The following CFAP90 variants were observed in gnomAD, a reference collection of about 807,000 sequenced individuals.
The protein encoded by CFAP90 is cilia- and flagella-associated protein 90.
the CFAP90 span, among the ~76,000 whole-genome samples, chr5:7,833,621 G>A: frequency 0.66 from 99,753 of 150,990 alleles, 33,825 homozygotes; most frequent in African/African-American, 0.83. Flanking sequence ...GTACATACAT[G>A]TACACACATA....
the CFAP90 span, chr5:7,835,402 C>T: frequency 3.1e-6 from 5 of 1,594,760 alleles, no homozygotes; most frequent in African/African-American, 6.8e-5. Context: ...ACATGAAGTC[C>T]CAGGCTTTTT....
At chr5:7,846,929 T>C in the CFAP90 span, among the ~76,000 whole-genome samples, 29 of 152,066 alleles carry the variant, frequency 1.9e-4, no homozygotes, top group Admixed American at 1.3e-4. Context: ...ATTTTAAGTA[T>C]AGATGGGGTT....
chr5:7,843,345 T>G, the CFAP90 span, among the ~76,000 whole-genome samples: 3 of 152,200 alleles, frequency 2.0e-5, no homozygotes, highest in Admixed American at 6.5e-5. Flanking sequence ...AAGACAATAC[T>G]CAACTATTCT....
the CFAP90 span, among the ~76,000 whole-genome samples, chr5:7,832,998 C>G: frequency 6.6e-6 from 1 of 152,218 alleles, no homozygotes; most frequent in African/African-American, 2.4e-5. Flanking sequence ...GCAAGACCAA[C>G]TTTTCTAGAA....
the CFAP90 span, among the ~76,000 whole-genome samples, chr5:7,833,816 T>C: frequency 6.6e-6 from 1 of 152,170 alleles, no homozygotes; most frequent in African/African-American, 2.4e-5. Context: ...TGTCAAAACC[T>C]AATAGAACTG....
chr5:7,830,542 T>A, the CFAP90 span: 1 of 152,310 alleles, frequency 6.6e-6, no homozygotes, highest in East Asian at 1.9e-4. Flanking sequence ...GCATTCGAAA[T>A]AAACTACTGC....
the CFAP90 span, among the ~76,000 whole-genome samples, chr5:7,833,626 C>A: frequency 6.6e-6 from 1 of 152,102 alleles, no homozygotes; most frequent in East Asian, 1.9e-4. Flanking sequence ...TACATGTACA[C>A]ACATATATAC....
chr5:7,841,922 A>G, the CFAP90 span, among the ~76,000 whole-genome samples: 2 of 152,170 alleles, frequency 1.3e-5, no homozygotes, highest in African/African-American at 4.8e-5. Context: ...ACAACCCACC[A>G]TGGCATACGT....
At chr5:7,844,573 T>C in the CFAP90 span, among the ~76,000 whole-genome samples, 51 of 152,152 alleles carry the variant, frequency 3.4e-4, no homozygotes, top group African/African-American at 1.2e-3. Flanking sequence ...GGAAAATACT[T>C]AGCAGGTTAG....
At chr5:7,850,814 A>G in the CFAP90 span, 1 of 1,165,920 alleles carries the variant, frequency 8.6e-7, no homozygotes, top group Non-Finnish European at 1.1e-6. Flanking sequence ...CCAGCCGCCC[A>G]GCCGCCCAGC....
the CFAP90 span, chr5:7,851,133 T>C: frequency 8.4e-7 from 1 of 1,197,482 alleles, no homozygotes; most frequent in Non-Finnish European, 1.0e-6. Flanking sequence ...AGCCCGCGTC[T>C]GTGTTCGGTC....
At chr5:7,842,450 A>T in the CFAP90 span, among the ~76,000 whole-genome samples, 1 of 151,832 alleles carries the variant, frequency 6.6e-6, no homozygotes, top group African/African-American at 2.4e-5. Flanking sequence ...CCCCACAAGT[A>T]GGCTGGGGCC....
the CFAP90 span, among the ~76,000 whole-genome samples, chr5:7,847,777 C>T: frequency 6.6e-6 from 1 of 152,118 alleles, no homozygotes; most frequent in Admixed American, 6.5e-5. Flanking sequence ...AAGGTGGAGA[C>T]GTTAATTAGA....
At chr5:7,831,412 G>A in the CFAP90 span, 1 of 157,608 alleles carries the variant, frequency 6.3e-6, no homozygotes, top group Non-Finnish European at 1.4e-5. Flanking sequence ...GGCAGCAGGA[G>A]TTCCCCTAAC....
the CFAP90 span, among the ~76,000 whole-genome samples, chr5:7,840,743 G>A: frequency 1.4e-4 from 21 of 152,246 alleles, no homozygotes; most frequent in East Asian, 3.3e-3. Flanking sequence ...TTGGAATAAG[G>A]TAATTGAAGA....
chr5:7,846,080 GCTTA>G, the CFAP90 span, among the ~76,000 whole-genome samples: 1 of 151,964 alleles, frequency 6.6e-6, no homozygotes, highest in Admixed American at 6.6e-5. Context: ...CTTGCATTGG[GCTTA>G]CTATGTGCTA....
At chr5:7,838,546 C>A in the CFAP90 span, among the ~76,000 whole-genome samples, 436 of 152,292 alleles carry the variant, frequency 2.9e-3, 4 homozygotes, top group African/African-American at 9.9e-3. Context: ...AAAGACATTG[C>A]CACCCAGACC....
chr5:7,834,552 T>C, the CFAP90 span, among the ~76,000 whole-genome samples: 1 of 152,160 alleles, frequency 6.6e-6, no homozygotes, highest in Admixed American at 6.5e-5. Context: ...TGTACAGTAA[T>C]GTCCTAGGCC....
chr5:7,836,375 A>G, the CFAP90 span, among the ~76,000 whole-genome samples: 61 of 152,304 alleles, frequency 4.0e-4, no homozygotes, highest in South Asian at 1.2e-3. Context: ...TGCAGGAGCC[A>G]AGGGCAGACG....
Sources: gnomAD v4.1 joint callset for allele counts (sites outside exome capture counted in the v4.1 genomes callset) on GRCh38, gnomAD v4.1.1 for gene constraint, MANE v1.5 for transcripts, NCBI Gene and HGNC (gene_info 2026-07-23, HGNC 2026-07-21) for gene names.